The following MS4A3 variants were observed in gnomAD, a reference collection of about 807,000 sequenced individuals.
MS4A3 encodes the protein membrane spanning 4-domains A3, also known as membrane-spanning 4-domains subfamily A member 3.
In MS4A3, 18 loss-of-function variants were observed where a neutral mutation model predicts 24.7. That is an observed-to-expected ratio of 0.73 (90% CI 0.50 to 1.08). The LOEUF (loss-of-function observed/expected upper bound fraction) is 1.08. MS4A3 is among the 50% of genes least tolerant of loss of function. MS4A3 has a pLI of 0.00. For synonymous variants in MS4A3, 84 were observed against 95.3 expected (o/e 0.88, Z 0.69); for missense variants, 282 against 251.7 (o/e 1.12, Z -0.82).
intron 4 of MS4A3, 87 bp downstream of exon 4, chr11:60,064,405 A>C (rs1458088272): frequency 3.2e-6 from 3 of 929,648 alleles, no homozygotes; most frequent in African/African-American, 3.4e-5. Flanking sequence ...CCATGAATAC[A>C]ACTGAGACAC....
chr11:60,058,011 C>G (rs1486029099), intron 1 of MS4A3, among the ~76,000 whole-genome samples: 1 of 152,110 alleles, frequency 6.6e-6, no homozygotes, highest in Non-Finnish European at 1.5e-5. Context: ...TCTGATGATT[C>G]TGAGCTAGGC....
At chr11:60,059,966 C>T (rs567399493) in intron 1 of MS4A3, among the ~76,000 whole-genome samples, 1 of 152,312 alleles carries the variant, frequency 6.6e-6, no homozygotes, top group Non-Finnish European at 1.5e-5. Context: ...CATGCCATCT[C>T]CCTCATCAGT....
chr11:60,064,051 TA>T (rs1808549972), intron 3 of MS4A3, among the ~76,000 whole-genome samples: 2 of 142,900 alleles, frequency 1.4e-5, no homozygotes, highest in African/African-American at 5.2e-5. Context: ...TGAATAAAAC[TA>T]ATTGCATGGA....
intron 5 of MS4A3, among the ~76,000 whole-genome samples, chr11:60,068,132 C>T (rs1291424171): frequency 2.0e-5 from 3 of 152,052 alleles, no homozygotes; most frequent in East Asian, 3.8e-4. Context: ...TTACAACTTT[C>T]TCTGCAATCT....
chr11:60,064,299 T>A lies in MS4A3; in HGVS notation c.332T>A (p.Ile111Lys). 1 of 1,604,742 alleles carries A rather than the reference T, an allele frequency of 6.2e-7. No individual in the cohort carries two copies. The highest frequency in any genetic ancestry group is 8.5e-7 in the Non-Finnish European group (1 of 1,175,624). Residue 111 changes from isoleucine (I) to lysine (K), a missense_variant, in exon 4 of 7, where the codon ATA becomes AAA. Ile to Lys is a moderately radical substitution (Grantham distance 102). Coordinates refer to ENST00000278865, the MANE Select transcript of MS4A3 (RefSeq NM_006138.5). ...SSGTLSVVAG[I>K]KPTRTWIQNS... The stretch of plus-strand genomic sequence containing the variant: ...GGAACCTTGTCTGTTGTAGCAGGGA[T>A]AAAACCCACAAGAACATGGGTAAGT...
rs574979441 is a variant in MS4A3 at position 60,068,784 on chromosome 11, GTGTT to G, written c.514-783_514-780del. ...TTTGTTACATATGTATACATGTGTC[GTGTT>G]TGTTTGCTGCATCTATTAACATGTC... On this transcript the variant is annotated intron_variant, in intron 5 of 6. Coordinates refer to ENST00000278865, the MANE Select transcript of MS4A3 (RefSeq NM_006138.5). Among the ~76,000 whole-genome samples, 321 of 152,032 alleles carry G rather than the reference GTGTT, an allele frequency of 2.1e-3. 2 individuals are homozygous for G. Among genetic ancestry groups the G allele is most frequent in the African/African-American group, 7.1e-3 (293 of 41,444 alleles).
At chr11:60,067,506 C>T (rs182700767) in intron 5 of MS4A3, among the ~76,000 whole-genome samples, 67 of 152,146 alleles carry the variant, frequency 4.4e-4, no homozygotes, top group Non-Finnish European at 4.9e-4. Context: ...TGAGCCACCG[C>T]GCCCATCCCA....
At chr11:60,061,415 A>G in intron 2 of MS4A3, 99 bp downstream of exon 2, 1 of 1,418,948 alleles carries the variant, frequency 7.0e-7, no homozygotes, top group Non-Finnish European at 9.6e-7. Flanking sequence ...ATTCCCTTAC[A>G]TGTGGATTTC....
In MS4A3 at chr11:60,062,450, T is replaced by C. The variant is rs1478750345; in HGVS notation, c.157-18T>C. On this transcript the variant is annotated intron_variant, in intron 2 of 6. Coordinates refer to ENST00000278865, the MANE Select transcript of MS4A3 (RefSeq NM_006138.5). The stretch of plus-strand genomic sequence containing the variant: ...TTAGTATATGACTGTTACGCCTTTT[T>C]CCCCTTTCTTCTTTCAGGCCATCCA... The C allele has an allele frequency of 7.4e-6, 12 of 1,613,846 alleles. No individual in the cohort carries two copies. In the Admixed American group the frequency reaches 1.2e-4, roughly 16 times the overall value.
chr11:60,060,906 T>C (rs931236363), intron 1 of MS4A3: 1 of 314,908 alleles, frequency 3.2e-6, no homozygotes, highest in African/African-American at 2.2e-5. Flanking sequence ...AAATTGCTCT[T>C]TACCATTCCA....
rs775321420 is a variant in MS4A3 at position 60,069,673 on chromosome 11, G to C, written c.613G>C (p.Glu205Gln). ...CAATGCAAACTGCTGTAATTCAAGAGAGGTGAGATTTTTCAAATGATTAAT... is the reference window on the plus strand; with the variant it reads ...CAATGCAAACTGCTGTAATTCAAGACAGGTGAGATTTTTCAAATGATTAAT... ...WCNANCCNSREEISSPPNSV is the reference protein window; with the variant it reads ...WCNANCCNSRQEISSPPNSV Residue 205 changes from glutamate (E) to glutamine (Q), a missense_variant and splice_region_variant, in exon 6 of 7, where the codon GAG (glutamate) becomes CAG (glutamine). Transcript: ENST00000278865. The C allele has an allele frequency of 4.4e-6, 7 of 1,607,468 alleles. No individual in the cohort carries two copies. In the South Asian group the frequency reaches 7.7e-5, roughly 18 times the overall value.
intron 1 of MS4A3, among the ~76,000 whole-genome samples, chr11:60,057,644 T>C (rs979878156): frequency 3.3e-5 from 5 of 152,006 alleles, no homozygotes; most frequent in African/African-American, 1.2e-4. Context: ...GACCTTGAGA[T>C]CCTCCCGCCT....
intron 3 of MS4A3, chr11:60,062,813 C>CTTTGTCTCA: frequency 3.0e-6 from 1 of 331,114 alleles, no homozygotes; most frequent in Non-Finnish European, 5.0e-6. Context: ...TTTTTTGAGA[C>CTTTGTCTCA]AAAGTCTCGA....
At chr11:60,062,859 C>A (rs1855299947) in intron 3 of MS4A3, among the ~76,000 whole-genome samples, 1 of 152,110 alleles carries the variant, frequency 6.6e-6, no homozygotes, top group African/African-American at 2.4e-5. Context: ...GGCATGATCT[C>A]TGCCCACTGA....
chr11:60,060,871 T>C (rs1293187456), intron 1 of MS4A3: 1 of 226,030 alleles, frequency 4.4e-6, no homozygotes. Context: ...AGGGACTATA[T>C]ATCAGTGCAT....
At chr11:60,058,052 G>C (rs535694854) in intron 1 of MS4A3, among the ~76,000 whole-genome samples, 1 of 152,250 alleles carries the variant, frequency 6.6e-6, no homozygotes, top group Admixed American at 6.5e-5. Context: ...TAGACAACGA[G>C]GTAACAGACA....
chr11:60,064,707 C>T (rs1855331913), intron 4 of MS4A3, among the ~76,000 whole-genome samples: 1 of 152,198 alleles, frequency 6.6e-6, no homozygotes, highest in Admixed American at 6.5e-5. Context: ...CACGTAGCCA[C>T]TGATACTCCA....
intron 5 of MS4A3, among the ~76,000 whole-genome samples, chr11:60,068,934 A>G (rs976714555): frequency 2.0e-5 from 3 of 150,768 alleles, no homozygotes; most frequent in African/African-American, 7.3e-5. Context: ...GTTCCCACCT[A>G]TGGGTGAGAC....
chr11:60,069,510 G>A, intron 5 of MS4A3, 64 bp from the exon 6 acceptor site: 1 of 1,128,336 alleles, frequency 8.9e-7, no homozygotes. Flanking sequence ...GTTTCCTGCT[G>A]ACATTTTTTT....
Sources: allele counts gnomAD v4.1 joint callset (sites outside exome capture counted in the v4.1 genomes callset), GRCh38; gene constraint gnomAD v4.1.1; transcripts MANE v1.5; gene names NCBI Gene and HGNC (gene_info 2026-07-23, HGNC 2026-07-21).